The following ATXN7L1 variants were observed in gnomAD, a reference collection of about 807,000 sequenced individuals.
ATXN7L1 encodes the protein ataxin-7-like protein 1.
ATXN7L1 carries 15 observed loss-of-function variants against 70.8 expected under a neutral mutation model. That is an observed-to-expected ratio of 0.21 (90% CI 0.14 to 0.33). The LOEUF (loss-of-function observed/expected upper bound fraction) is 0.33. Ranked by LOEUF, ATXN7L1 falls within the 10% of genes least tolerant of loss-of-function variation. The pLI is 1.00. For synonymous variants in ATXN7L1, 440 were observed against 445.1 expected, an observed-to-expected ratio of 0.99 and a Z score of 0.14; for missense variants, 975 against 1,097.1, an observed-to-expected ratio of 0.89 and a Z score of 1.57.
chr7:105,809,045 T>C (rs969462104), intron 2 of ATXN7L1, among the ~76,000 whole-genome samples: 6 of 152,232 alleles, frequency 3.9e-5, no homozygotes, highest in African/African-American at 1.4e-4. Context: ...AGCCCTTTTA[T>C]ACTATGGTCC....
At chr7:105,700,482 C>G (rs1216255545) in intron 3 of ATXN7L1, among the ~76,000 whole-genome samples, 2 of 141,370 alleles carry the variant, frequency 1.4e-5, no homozygotes, top group Non-Finnish European at 3.0e-5. Context: ...GCACTCCAGC[C>G]TGGGTGACAG....
At chr7:105,649,269 T>C in intron 4 of ATXN7L1, 1 of 747,922 alleles carries the variant, frequency 1.3e-6, no homozygotes, top group South Asian at 6.0e-5. Flanking sequence ...GGCTGCAGCC[T>C]GTTCCCCTGC....
intron 2 of ATXN7L1, among the ~76,000 whole-genome samples, chr7:105,845,841 T>G (rs1327578650): frequency 1.3e-5 from 2 of 152,134 alleles, no homozygotes; most frequent in Non-Finnish European, 2.9e-5. Context: ...GACAACTGGA[T>G]AGCCACATGA....
At position 105,785,710 on chromosome 7, in the gene ATXN7L1, G is replaced by A. The variant is rs62482780; in HGVS notation, c.355+2894C>T. 5.8e-3 allele frequency among the ~76,000 whole-genome samples: 880 copies of A among 152,248 alleles called. 6 individuals carry two copies. Among genetic ancestry groups the A allele is most frequent in the Non-Finnish European group, 9.9e-3 (674 of 68,034 alleles). On this transcript the variant is annotated intron_variant, in intron 3 of 11. Transcript: ENST00000419735. ...GAGTTGGGGCCTTTGGAGATAATTA[G>A]GTCATGAGAGTGGAGCCCCCATGAA...
Position 105,607,138 on chromosome 7 carries a change from G to C in ATXN7L1, c.*714C>G, listed in dbSNP as rs1454435068. On this transcript the variant is annotated 3_prime_UTR_variant, in exon 12 of 12. Transcript: ENST00000419735. ...CCTGTTCTGGCCCCTGTCCCTGACT[G>C]GTTTATCCTTTCTGAGCTGCACAGC... The C allele has an allele frequency of 1.3e-5, 2 of 152,398 alleles. No individual in the cohort carries two copies. Among genetic ancestry groups the C allele is most frequent in the Admixed American group, 1.3e-4 (2 of 15,268 alleles). 9.4% of individuals were successfully genotyped at this position (152,398 alleles called of 1,614,324 possible).
intron 7 of ATXN7L1, among the ~76,000 whole-genome samples, chr7:105,629,813 C>T (rs761215658): frequency 2.3e-4 from 33 of 142,942 alleles, no homozygotes; most frequent in Admixed American, 4.2e-4. Context: ...CCTCCGTGCC[C>T]GGTCTTATTA....
chr7:105,823,152 T>G (rs1023187897), intron 2 of ATXN7L1, among the ~76,000 whole-genome samples: 1 of 152,178 alleles, frequency 6.6e-6, no homozygotes, highest in African/African-American at 2.4e-5. Flanking sequence ...TGGTCTGTAT[T>G]CTTCAGATTA....
chr7:105,789,242 T>C (rs1326424555), intron 2 of ATXN7L1, among the ~76,000 whole-genome samples: 1 of 152,220 alleles, frequency 6.6e-6, no homozygotes, highest in South Asian at 2.1e-4. Flanking sequence ...TTTGCTGCCA[T>C]CATTACCCAT....
chr7:105,760,382 A>C, intron 3 of ATXN7L1: 1 of 952,812 alleles, frequency 1.0e-6, no homozygotes, highest in Non-Finnish European at 1.3e-6. Context: ...CTCTGAGAGG[A>C]TCTGCAATTT....
chr7:105,654,764 G>A (rs887138993), intron 4 of ATXN7L1, among the ~76,000 whole-genome samples: 4 of 149,970 alleles, frequency 2.7e-5, no homozygotes, highest in South Asian at 2.1e-4. Flanking sequence ...TTTTTGAGAC[G>A]GAGTCTTGCT....
chr7:105,697,720 C>A (rs554047579), intron 3 of ATXN7L1, among the ~76,000 whole-genome samples: 1 of 152,228 alleles, frequency 6.6e-6, no homozygotes, highest in Admixed American at 6.5e-5. Context: ...TCACAACTTA[C>A]GTTTAGAGAT....
chr7:105,743,812 C>T (rs1049293208), intron 3 of ATXN7L1, among the ~76,000 whole-genome samples: 1 of 152,176 alleles, frequency 6.6e-6, no homozygotes, highest in East Asian at 1.9e-4. Context: ...GATCTTTCCG[C>T]CTCAGTAACA....
chr7:105,701,919 G>T (rs550673367), intron 3 of ATXN7L1, among the ~76,000 whole-genome samples: 2 of 152,254 alleles, frequency 1.3e-5, no homozygotes, highest in East Asian at 1.9e-4. Context: ...TACTTTTAAC[G>T]TCATGTTCTC....
intron 3 of ATXN7L1, among the ~76,000 whole-genome samples, chr7:105,780,015 G>A (rs1803299065): frequency 6.6e-6 from 1 of 152,166 alleles, no homozygotes; most frequent in South Asian, 2.1e-4. Flanking sequence ...CTTCAGAAAG[G>A]AAGTCTTGGC....
intron 2 of ATXN7L1, chr7:105,819,746 G>C: frequency 1.3e-6 from 1 of 749,198 alleles, no homozygotes; most frequent in Non-Finnish European, 2.4e-6. Flanking sequence ...TGACCTCGAG[G>C]CATGTTGCCC....
Position 105,810,684 on chromosome 7 carries a change from G to A in ATXN7L1, c.251-21976C>T, listed in dbSNP as rs375958533. ...AGGGAGAGCAAAGAAGCCAGCCTGTGTGCAGGAGCCAACGCGAGCCAGCGT... is the reference window on the plus strand; with the variant it reads ...AGGGAGAGCAAAGAAGCCAGCCTGTATGCAGGAGCCAACGCGAGCCAGCGT... On this transcript the variant is annotated intron_variant, in intron 2 of 11. Coordinates refer to ENST00000419735, the MANE Select transcript of ATXN7L1 (RefSeq NM_020725.2). Among the ~76,000 whole-genome samples the A allele has an allele frequency of 9.8e-5, 15 of 152,376 alleles. No individual in the cohort carries two copies. In the East Asian group the frequency reaches 2.7e-3, roughly 27 times the overall value.
chr7:105,661,653 G>A (rs1393063934), intron 4 of ATXN7L1, among the ~76,000 whole-genome samples: 1 of 152,174 alleles, frequency 6.6e-6, no homozygotes, highest in Non-Finnish European at 1.5e-5. Context: ...CTCTGGGATA[G>A]CTCAGAACTG....
chr7:105,792,262 A>C (rs114563788), intron 2 of ATXN7L1, among the ~76,000 whole-genome samples: 2,893 of 152,220 alleles, frequency 0.019, 110 homozygotes, highest in African/African-American at 0.067. Flanking sequence ...TACGTGTCTG[A>C]TCTGAGCATG....
chr7:105,738,034 G>C (rs1402096261), intron 3 of ATXN7L1, among the ~76,000 whole-genome samples: 1 of 152,188 alleles, frequency 6.6e-6, no homozygotes, highest in African/African-American at 2.4e-5. Flanking sequence ...CACGAATAGG[G>C]ATGAAGAAAA....
Sources: allele counts gnomAD v4.1 joint callset (sites outside exome capture counted in the v4.1 genomes callset), GRCh38; gene constraint gnomAD v4.1.1; transcripts MANE v1.5; gene names NCBI Gene and HGNC (gene_info 2026-07-23, HGNC 2026-07-21).